Variants in PTPRD observed in about 807,000 individuals in gnomAD.
PTPRD encodes the protein protein tyrosine phosphatase receptor type D.
A neutral mutation model predicts 214.5 loss-of-function variants in PTPRD; 34 were observed. The observed-to-expected ratio is 0.16, with a 90% confidence interval of 0.12 to 0.21. The LOEUF (loss-of-function observed/expected upper bound fraction) is 0.21. Ranked by LOEUF, PTPRD falls within the 10% of genes least tolerant of loss-of-function variation. PTPRD has a pLI of 1.00. For missense variants in PTPRD, 2,545 were observed against 2,398.7 expected (o/e 1.06, Z -1.27); for synonymous variants, 1,128 against 845.7 (o/e 1.33, Z -5.79).
At chr9:8,840,503 T>A (rs1187489827) in intron 11 of PTPRD, among the ~76,000 whole-genome samples, 1 of 152,238 alleles carries the variant, frequency 6.6e-6, no homozygotes, top group African/African-American at 2.4e-5. Flanking sequence ...TTGGGGTATG[T>A]CTTTATTAGC....
intron 8 of PTPRD, among the ~76,000 whole-genome samples, chr9:9,439,268 T>C (rs978673971): frequency 2.6e-5 from 4 of 152,092 alleles, no homozygotes; most frequent in Non-Finnish European, 1.5e-5. Context: ...TATAATCATT[T>C]CTTAGGGTAC....
At position 10,563,967 on chromosome 9, in the gene PTPRD, A is replaced by T. The variant is rs193072438; in HGVS notation, c.-600+48431T>A. Among the ~76,000 whole-genome samples, 302 of 151,838 alleles carry T rather than the reference A, an allele frequency of 2.0e-3. 2 individuals carry two copies. The highest frequency in any genetic ancestry group is 7.1e-3 in the African/African-American group (293 of 41,438). On this transcript the variant is annotated intron_variant, in intron 2 of 45. Coordinates refer to ENST00000381196, the MANE Select transcript of PTPRD (RefSeq NM_002839.4). ...CTCTACAGCCCACTTATTTTGAAAC[A>T]TCATCTGTGCCAGTTGTTTCCCCTA...
chr9:10,308,120 T>C (rs2096144708), intron 3 of PTPRD, among the ~76,000 whole-genome samples: 2 of 152,054 alleles, frequency 1.3e-5, no homozygotes, highest in South Asian at 4.1e-4. Context: ...TTTTCAGGTG[T>C]TAGCCATAAA....
At chr9:9,664,679 C>A (rs963433069) in intron 7 of PTPRD, among the ~76,000 whole-genome samples, 4 of 151,678 alleles carry the variant, frequency 2.6e-5, no homozygotes, top group African/African-American at 9.7e-5. Context: ...AATGCATGGA[C>A]AGATCACTGG....
intron 5 of PTPRD, among the ~76,000 whole-genome samples, chr9:9,807,862 G>C (rs533067654): frequency 6.6e-6 from 1 of 152,254 alleles, no homozygotes; most frequent in African/African-American, 2.4e-5. Flanking sequence ...AGATGATTCT[G>C]ATGACTCATA....
intron 35 of PTPRD, among the ~76,000 whole-genome samples, chr9:8,419,798 C>G (rs2094224884): frequency 6.6e-6 from 1 of 151,528 alleles, no homozygotes; most frequent in South Asian, 2.1e-4. Flanking sequence ...AAATGCTGTT[C>G]CCTAATCTTA....
At chr9:9,510,235 A>G (rs1362714557) in intron 8 of PTPRD, among the ~76,000 whole-genome samples, 2 of 151,786 alleles carry the variant, frequency 1.3e-5, no homozygotes, top group South Asian at 4.2e-4. Context: ...ACATGATCCT[A>G]CATTAAAGTC....
chr9:8,347,490 T>C (rs561251497), intron 39 of PTPRD, among the ~76,000 whole-genome samples: 1 of 152,132 alleles, frequency 6.6e-6, no homozygotes, highest in South Asian at 2.1e-4. Flanking sequence ...ATCACATGAA[T>C]AAACATCTAA....
At chr9:10,345,159 T>C (rs1419387706) in intron 2 of PTPRD, among the ~76,000 whole-genome samples, 1 of 152,086 alleles carries the variant, frequency 6.6e-6, no homozygotes, top group Non-Finnish European at 1.5e-5. Context: ...CTGGGCAAAT[T>C]CAAAATTATC....
chr9:10,249,045 A>G (rs2092514453), intron 3 of PTPRD, among the ~76,000 whole-genome samples: 1 of 152,150 alleles, frequency 6.6e-6, no homozygotes, highest in African/African-American at 2.4e-5. Context: ...TTCAATTTCA[A>G]GCAAAGATGT....
chr9:9,179,588 G>T (rs563373856), intron 10 of PTPRD, among the ~76,000 whole-genome samples: 1 of 152,124 alleles, frequency 6.6e-6, no homozygotes, highest in Non-Finnish European at 1.5e-5. Flanking sequence ...AAGCATCTAT[G>T]GTTTCAATGT....
At chr9:8,726,026 G>GACACACACACAC (rs71500962) in intron 12 of PTPRD, among the ~76,000 whole-genome samples, 14 of 139,502 alleles carry the variant, frequency 1.0e-4, no homozygotes, top group African/African-American at 3.1e-4. Flanking sequence ...CAGACAGACA[G>GACACACACACAC]ACACACACAC....
At chr9:9,413,037 T>C (rs1407920911) in intron 8 of PTPRD, among the ~76,000 whole-genome samples, 2 of 151,450 alleles carry the variant, frequency 1.3e-5, no homozygotes, top group African/African-American at 4.8e-5. Flanking sequence ...TGTTATTCCA[T>C]GCAGCTATTT....
chr9:10,321,460 G>A (rs553749603), intron 3 of PTPRD, among the ~76,000 whole-genome samples: 3 of 152,008 alleles, frequency 2.0e-5, no homozygotes, highest in African/African-American at 7.2e-5. Context: ...AAGAAACAGA[G>A]AAGCTTAATA....
At chr9:10,390,468 A>C (rs1221662747) in intron 2 of PTPRD, among the ~76,000 whole-genome samples, 1 of 151,834 alleles carries the variant, frequency 6.6e-6, no homozygotes, top group Non-Finnish European at 1.5e-5. Context: ...AAAACTGTTA[A>C]AAGGAGGCTT....
At chr9:8,633,650 GAT>G (rs2096329570) in intron 13 of PTPRD, among the ~76,000 whole-genome samples, 192 bp from the exon 14 acceptor site, 1 of 152,064 alleles carries the variant, frequency 6.6e-6, no homozygotes, top group Non-Finnish European at 1.5e-5. Flanking sequence ...CAAGGAGAAA[GAT>G]ATGCAACTAC....
chr9:10,426,732 T>A (rs552374947), intron 2 of PTPRD, among the ~76,000 whole-genome samples: 1 of 152,012 alleles, frequency 6.6e-6, no homozygotes, highest in Non-Finnish European at 1.5e-5. Flanking sequence ...TGGACTATAG[T>A]TTTTTTGCAG....
intron 9 of PTPRD, among the ~76,000 whole-genome samples, chr9:9,198,605 T>A (rs962147361): frequency 1.3e-5 from 2 of 152,042 alleles, no homozygotes; most frequent in Non-Finnish European, 2.9e-5. Flanking sequence ...TTCCTGAGAT[T>A]TGGCATTTCA....
rs77514759 is a variant in PTPRD, at chr9:9,626,889, G to A, written c.-286-52108C>T. On this transcript the variant is annotated intron_variant, in intron 7 of 45. Transcript: ENST00000381196. ...TGAATGTTAAGTGAAAGGAGATGAA[G>A]GAAAAATGGGAGAAGCAAGTTGAAG... is the stretch of plus-strand genomic sequence containing the variant. Among the ~76,000 whole-genome samples the A allele has an allele frequency of 3.9e-5, 6 of 151,988 alleles. No homozygotes were observed. The East Asian group carries it at 9.6e-4, about 24-fold the overall frequency.
Sources: allele counts gnomAD v4.1 joint callset (sites outside exome capture counted in the v4.1 genomes callset), GRCh38; gene constraint gnomAD v4.1.1; transcripts MANE v1.5; gene names NCBI Gene and HGNC (gene_info 2026-07-23, HGNC 2026-07-21).